The following POLQ variants were observed in gnomAD, a reference collection of about 807,000 sequenced individuals.
POLQ encodes epididymis secretory sperm binding protein.
In POLQ, 233 loss-of-function variants were observed where a neutral mutation model predicts 259.2. The observed-to-expected ratio is 0.90, with a 90% CI of 0.81 to 1.00. POLQ has a LOEUF of 1.00. Among genes scored for constraint, POLQ ranks in the 50% least tolerant of loss-of-function variants. The probability of loss-of-function intolerance (pLI) is 0.00; values close to 1 mark genes in which losing one functional copy is unlikely to be tolerated. For missense variants in POLQ, 2,871 were observed against 3,051.6 expected (o/e 0.94, Z 1.39); for synonymous variants, 1,025 against 1,048.8 (o/e 0.98, Z 0.44).
Position 121,487,327 on chromosome 3 carries a change from A to G in POLQ, c.5604T>C (p.Ala1868=), listed in dbSNP as rs1260830540. The G allele has an allele frequency of 2.5e-6, 4 of 1,593,188 alleles. No homozygotes were observed. The highest frequency in any genetic ancestry group is 2.2e-5 in the East Asian group (1 of 44,724). ...CTTGCTTAAACCTACTGCCAATAGT[A>G]GCAGTTTTAGAAGATGTCAAACTTC... The part of the protein sequence containing the change: ...KIRSLTSSKT[A]TIGSRFKQAS... Residue 1868 remains alanine, a synonymous_variant, in exon 16 of 30, where the codon GCT becomes GCC. Transcript: ENST00000264233.
intron 22 of POLQ, among the ~76,000 whole-genome samples, chr3:121,470,066 A>C (rs780116847): frequency 5.3e-5 from 8 of 152,078 alleles, no homozygotes; most frequent in Admixed American, 3.3e-4. Context: ...GCACTTTGGG[A>C]GGCTGAGGTG....
rs1041398358 is a variant in POLQ at position 121,467,571 on chromosome 3, G to C, written c.6915C>G (p.Asp2305Glu). The C allele has an allele frequency of 6.2e-7, 1 of 1,613,762 alleles. No homozygotes were observed. Reference sequence around the variant, plus strand: ...TGCTAATTGAAAATGGCATTCCTCTGTCTGCAGCTCTCTCCTCCATCTGTG... The same window carrying C: ...TGCTAATTGAAAATGGCATTCCTCTCTCTGCAGCTCTCTCCTCCATCTGTG... ...CQAQMEERAA[D>E]RGMPFSISMR... is the part of the protein sequence containing the mutation. The change falls in exon 24 of 30, where the codon GAC (aspartate) becomes GAG (glutamate). Residue 2305 changes from aspartate (D) to glutamate (E), a missense_variant. By Grantham distance (45) the Asp-to-Glu change is conservative (BLOSUM62 2). Transcript: ENST00000264233.
intron 10 of POLQ, among the ~76,000 whole-genome samples, chr3:121,511,053 C>G (rs1196875447): frequency 6.6e-6 from 1 of 152,080 alleles, no homozygotes; most frequent in Non-Finnish European, 1.5e-5. Flanking sequence ...CGGTGAAACC[C>G]CATCTCTACT....
Position 121,436,221 on chromosome 3 carries a change from T to C in POLQ, c.7444A>G (p.Lys2482Glu). 6.2e-7 allele frequency: 1 copy of C among 1,613,900 alleles called. No individual in the cohort carries two copies. The highest frequency in any genetic ancestry group is 8.5e-7 in the Non-Finnish European group (1 of 1,179,794). The stretch of plus-strand genomic sequence containing the variant: ...TTCTGAATGTTAACTGTGGCTATTT[T>C]GACAATATCAGCTGCTGATCCTTGG... ...IVQGSAADIV[K>E]IATVNIQKQL... Residue 2482 changes from lysine to glutamate, a missense_variant, in exon 28 of 30, where the codon AAA becomes GAA. Lys to Glu is a moderately conservative substitution (Grantham distance 56, BLOSUM62 1). Coordinates refer to ENST00000264233, the MANE Select transcript of POLQ (RefSeq NM_199420.4).
chr3:121,511,917 T>C lies in POLQ; in HGVS notation c.1581A>G (p.Val527=). 6.2e-7 allele frequency: 1 copy of C among 1,614,020 alleles called. No individual in the cohort carries two copies. Among genetic ancestry groups the C allele is most frequent in the Non-Finnish European group, 8.5e-7 (1 of 1,179,900 alleles). ...SCLQRREGEE[V]TGSMIRAILE... is the part of the protein sequence containing the mutation. ...GAATAGCTCGTATCATGCTGCCAGT[T>C]ACTTCTTCTCCTTCTCGTCTTTGCA... The change falls in exon 10 of 30, where the codon GTA becomes GTG. Residue 527 remains valine (V), a synonymous_variant. Coordinates refer to ENST00000264233, the MANE Select transcript of POLQ (RefSeq NM_199420.4).
At chr3:121,542,911 C>G (rs1196938366) in intron 2 of POLQ, among the ~76,000 whole-genome samples, 1 of 151,520 alleles carries the variant, frequency 6.6e-6, no homozygotes, top group African/African-American at 2.4e-5. Context: ...CACTTGAACC[C>G]GGGAGGCAGA....
In POLQ at chr3:121,545,840, G is replaced by C. The variant is rs770795644; in HGVS notation, c.38C>G (p.Ser13Ter). The change falls in exon 1 of 30, where the codon TCA becomes TGA. Residue 13 changes from serine to a stop codon, truncating the protein, a stop_gained. Coordinates refer to ENST00000264233, the MANE Select transcript of POLQ (RefSeq NM_199420.4). LOFTEE classifies it high-confidence loss of function. ...LLRRSGKRRR[S>*]ESGSDSFSGS... Reference sequence around the variant, plus strand: ...CGAGAACGAATCTGAGCCTGATTCTGAACGCCGCCGTTTCCCACTCCGACG... The same window carrying C: ...CGAGAACGAATCTGAGCCTGATTCTCAACGCCGCCGTTTCCCACTCCGACG... 1.9e-6 allele frequency: 3 copies of C among 1,613,832 alleles called. No individual in the cohort carries two copies. In the African/African-American group the frequency reaches 4.0e-5, roughly 22 times the overall value.
At chr3:121,459,387 T>TTTTG (rs1560089442) in intron 25 of POLQ, among the ~76,000 whole-genome samples, 8 of 145,370 alleles carry the variant, frequency 5.5e-5, no homozygotes, top group Non-Finnish European at 9.1e-5. Context: ...TTTTTTTTTT[T>TTTTG]TTTTTGTTTT....
intron 7 of POLQ, among the ~76,000 whole-genome samples, chr3:121,525,326 C>G (rs1167786967): frequency 6.8e-6 from 1 of 146,956 alleles, no homozygotes; most frequent in African/African-American, 2.5e-5. Context: ...GGGCAAAAGA[C>G]GGAGACTCCG....
At chr3:121,476,401 A>T in intron 20 of POLQ, 139 bp downstream of exon 20, 1 of 554,782 alleles carries the variant, frequency 1.8e-6, no homozygotes, top group Non-Finnish European at 3.1e-6. Flanking sequence ...ATATTCCCAA[A>T]GCAATCTGGT....
chr3:121,495,010 G>A (rs963586051), intron 14 of POLQ: 6 of 596,956 alleles, frequency 1.0e-5, no homozygotes, highest in African/African-American at 9.4e-5. Flanking sequence ...AGTGGCTCAC[G>A]CCTGTAATCC....
At chr3:121,505,895 G>A (rs1380758012) in intron 12 of POLQ, among the ~76,000 whole-genome samples, 3 of 151,000 alleles carry the variant, frequency 2.0e-5, no homozygotes, top group Non-Finnish European at 1.5e-5. Context: ...GATGGCGCAT[G>A]TCTGTAATCC....
At chr3:121,498,271 T>C (rs532416990) in intron 13 of POLQ, among the ~76,000 whole-genome samples, 2 of 151,490 alleles carry the variant, frequency 1.3e-5, no homozygotes, top group African/African-American at 4.9e-5. Context: ...GATCGCGCTA[T>C]TGCACTCCAG....
intron 25 of POLQ, among the ~76,000 whole-genome samples, chr3:121,456,184 G>C (rs997971363): frequency 5.3e-5 from 8 of 152,016 alleles, no homozygotes; most frequent in East Asian, 3.9e-4. Context: ...ATTCAACAAC[G>C]CTTCATGCTA....
intron 25 of POLQ, among the ~76,000 whole-genome samples, chr3:121,451,747 G>C (rs574923423): frequency 6.6e-6 from 1 of 152,314 alleles, no homozygotes; most frequent in Admixed American, 6.5e-5. Context: ...GGACCCACTT[G>C]AGGGGGCAAT....
intron 25 of POLQ, among the ~76,000 whole-genome samples, chr3:121,457,206 T>G (rs2047748809): frequency 6.6e-6 from 1 of 152,206 alleles, no homozygotes; most frequent in African/African-American, 2.4e-5. Context: ...ACTGGATCCC[T>G]TCCTTACACC....
At chr3:121,521,316 T>C (rs912509085) in intron 8 of POLQ, among the ~76,000 whole-genome samples, 2 of 152,180 alleles carry the variant, frequency 1.3e-5, no homozygotes, top group Admixed American at 1.3e-4. Flanking sequence ...TTTGGTACTA[T>C]CTGTGGTTTC....
In POLQ at chr3:121,523,681, T is replaced by C. The variant is rs546942411; in HGVS notation, c.1109-1532A>G. On this transcript the variant is annotated intron_variant, in intron 7 of 29. Transcript: ENST00000264233. ...AGTGAGCTGAGATCATGCCACTGCA[T>C]TCCATCCTGGACAACAGAGCAAGAC... Among the ~76,000 whole-genome samples, 18 of 152,080 alleles carry C rather than the reference T, an allele frequency of 1.2e-4. No homozygotes were observed. The East Asian group carries it at 3.5e-3, about 29-fold the overall frequency.
At chr3:121,500,716 A>G (rs2048160664) in intron 12 of POLQ, among the ~76,000 whole-genome samples, 1 of 152,188 alleles carries the variant, frequency 6.6e-6, no homozygotes. Flanking sequence ...CATATCCAAG[A>G]AACTCAGTGA....
Sources: gnomAD v4.1 joint callset for allele counts (sites outside exome capture counted in the v4.1 genomes callset) on GRCh38, gnomAD v4.1.1 for gene constraint, MANE v1.5 for transcripts, NCBI Gene and HGNC (gene_info 2026-07-23, HGNC 2026-07-21) for gene names.